The following AKAP1 variants were observed in gnomAD, a reference collection of about 807,000 sequenced individuals.
AKAP1 encodes A-kinase anchor protein 1, mitochondrial.
Under a neutral mutation model 79.8 loss-of-function variants are expected in AKAP1, and 32 were observed. The ratio of observed to expected loss-of-function variants is 0.40; its 90% CI spans 0.30 to 0.54. The LOEUF is 0.54. Among genes scored for constraint, AKAP1 ranks in the 20% least tolerant of loss-of-function variants. The pLI is 0.47. For missense variants in AKAP1, 961 were observed against 1,138.9 expected (o/e 0.84, Z 2.25); for synonymous variants, 416 against 466.7 (o/e 0.89, Z 1.40).
intron 3 of AKAP1, 52 bp downstream of exon 3, chr17:57,110,210 G>A: frequency 1.9e-6 from 3 of 1,602,390 alleles, no homozygotes; most frequent in Non-Finnish European, 2.6e-6. Flanking sequence ...AAGCTCCCTG[G>A]GGCCAGGGCC....
chr17:57,100,312 G>A (rs747959121), intron 1 of AKAP1, among the ~76,000 whole-genome samples: 1 of 152,158 alleles, frequency 6.6e-6, no homozygotes, highest in Non-Finnish European at 1.5e-5. Context: ...CTGGCCAGGC[G>A]CGGTGGCTCA....
At chr17:57,091,236 A>G (rs1335010837) in intron 1 of AKAP1, among the ~76,000 whole-genome samples, 2 of 152,212 alleles carry the variant, frequency 1.3e-5, no homozygotes, top group Non-Finnish European at 2.9e-5. Context: ...CCGTGCTGCA[A>G]ATAACCTCCC....
intron 10 of AKAP1, among the ~76,000 whole-genome samples, chr17:57,119,830 C>CTCTTTTTTTTTTTTTTTTTTT (rs1915809183): frequency 1.4e-5 from 1 of 70,290 alleles, no homozygotes; most frequent in Non-Finnish European, 2.5e-5. Flanking sequence ...CCCTGTTACT[C>CTCTTTTTTTTTTTTTTTTTTT]TTTTTTTTTT....
At chr17:57,110,642 TGAAA>T (rs1915183051) in intron 3 of AKAP1, among the ~76,000 whole-genome samples, 3 of 152,238 alleles carry the variant, frequency 2.0e-5, no homozygotes, top group Non-Finnish European at 4.4e-5. Flanking sequence ...AGAGTGACTG[TGAAA>T]GACTTTTATT....
intron 4 of AKAP1, 141 bp downstream of exon 4, chr17:57,112,065 C>CT: frequency 1.7e-6 from 2 of 1,155,892 alleles, no homozygotes. Context: ...GGTATCTTCC[C>CT]TGCAGCCTTT....
At chr17:57,112,108 T>TC (rs1248537489) in intron 4 of AKAP1, among the ~76,000 whole-genome samples, 184 bp downstream of exon 4, 3 of 152,014 alleles carry the variant, frequency 2.0e-5, no homozygotes, top group Non-Finnish European at 4.4e-5. Flanking sequence ...GAGACTCAGG[T>TC]CCCTCCCTAC....
In AKAP1 at chr17:57,120,570, T is replaced by TA. The variant is rs5821162; in HGVS notation, c.*263dup. 0.19 allele frequency: 43,063 copies of TA among 220,952 alleles called. 3,933 individuals are homozygous for TA. The highest frequency in any genetic ancestry group is 0.3 in the Admixed American group (5,085 of 16,968). The allele number at this position is 220,952 out of a possible 1,614,324, so 13.7% of individuals were successfully genotyped here. The stretch of plus-strand genomic sequence containing the variant: ...TGGCTTATGCTGGTTCTCAGCTGTT[T>TA]AAAAAAAAAAAAAAAAAGGAATAGA... On this transcript the variant is annotated 3_prime_UTR_variant, in exon 11 of 11. Transcript: ENST00000337714.
At chr17:57,116,401 T>C (rs1801121367) in intron 7 of AKAP1, 140 bp downstream of exon 7, 1 of 1,130,608 alleles carries the variant, frequency 8.8e-7, no homozygotes, top group Non-Finnish European at 1.3e-6. Context: ...TAGCAGAGTC[T>C]GATAGAAACA....
In AKAP1 at chr17:57,105,819, T is replaced by G; in HGVS notation, c.355T>G (p.Leu119Val). 2 of 1,614,184 alleles carry G rather than the reference T, an allele frequency of 1.2e-6. No individual in the cohort carries two copies. The highest frequency in any genetic ancestry group is 1.7e-6 in the Non-Finnish European group (2 of 1,180,034). Residue 119 changes from leucine (L) to valine (V), a missense_variant, in exon 2 of 11, where the codon TTG becomes GTG. Coordinates refer to ENST00000337714, the MANE Select transcript of AKAP1 (RefSeq NM_003488.4). ...TCTTCCTAACACCACAGACATGAGA[T>G]TGCGACCAGGAACACGCAGAGATGA... is the stretch of plus-strand genomic sequence containing the variant. ...GILPNTTDMR[L>V]RPGTRRDDST...
Position 57,111,862 on chromosome 17 carries a change from G to C in AKAP1, c.1913G>C (p.Gly638Ala). ...RYVSFLKQTS[G>A]AKIYISTLPY... ...GTGAGTTTTCTGAAGCAAACATCTG[G>C]TGCCAAGATCTACATTTCAACCCTG... Residue 638 changes from glycine (G) to alanine (A), a missense_variant, in exon 4 of 11, where the codon GGT becomes GCT. By Grantham distance (60) the Gly-to-Ala change is moderately conservative. This residue lies in a region of AKAP1 where 629 missense variants were observed against 781.1 expected (regional missense o/e 0.81). Coordinates refer to ENST00000337714, the MANE Select transcript of AKAP1 (RefSeq NM_003488.4). 4 of 1,613,742 alleles carry C rather than the reference G, an allele frequency of 2.5e-6. No homozygotes were observed. The highest frequency in any genetic ancestry group is 2.5e-6 in the Non-Finnish European group (3 of 1,179,944).
At position 57,120,716 on chromosome 17, in the gene AKAP1, T is replaced by G. The variant is rs73317583; in HGVS notation, c.*392T>G. 6.0e-6 allele frequency: 1 copy of G among 166,050 alleles called. No homozygotes were observed. The highest frequency in any genetic ancestry group is 1.3e-5 in the Non-Finnish European group (1 of 76,588). The allele number at this position is 166,050 out of a possible 1,614,324, so 10.3% of individuals were successfully genotyped here. On this transcript the variant is annotated 3_prime_UTR_variant, in exon 11 of 11. Transcript: ENST00000337714. ...AGGCCAGGGATGTATGTTGCTTGCT[T>G]GAGAGGGTTTCTTTTACTTCAAAAT... is the stretch of plus-strand genomic sequence containing the variant.
intron 8 of AKAP1, 95 bp from the exon 9 acceptor site, chr17:57,118,286 C>A: frequency 2.6e-6 from 3 of 1,150,240 alleles, no homozygotes; most frequent in South Asian, 1.3e-5. Flanking sequence ...GCATCTGAAG[C>A]ATTCTACTTG....
chr17:57,112,051 A>T (rs1049988411), intron 4 of AKAP1, 127 bp downstream of exon 4: 10 of 1,253,266 alleles, frequency 8.0e-6, no homozygotes, highest in Non-Finnish European at 1.1e-5. Flanking sequence ...GGAAGGGAGC[A>T]TTAGGTATCT....
chr17:57,107,094 A>G lies in AKAP1; in HGVS notation c.1630A>G (p.Ser544Gly). 6.2e-7 allele frequency: 1 copy of G among 1,614,206 alleles called. No homozygotes were observed. Among genetic ancestry groups the G allele is most frequent in the Non-Finnish European group, 8.5e-7 (1 of 1,180,032 alleles). Reference protein sequence around the residue: ...PPLPESTVPFSNGVLKGELSD... With the variant: ...PPLPESTVPFGNGVLKGELSD... ...ACTGCCAGAAAGTACTGTGCCCTTC[A>G]GCAATGGGGTGCTGAAGGGGGAGTT... Residue 544 changes from serine (S) to glycine (G), a missense_variant, in exon 2 of 11, where the codon AGC (serine) becomes GGC (glycine). Coordinates refer to ENST00000337714, the MANE Select transcript of AKAP1 (RefSeq NM_003488.4).
intron 1 of AKAP1, among the ~76,000 whole-genome samples, chr17:57,087,758 G>T (rs1293767965): frequency 6.6e-6 from 1 of 152,158 alleles, no homozygotes; most frequent in Non-Finnish European, 1.5e-5. Flanking sequence ...GAGGAAAAAC[G>T]AATTGGTTTC....
intron 6 of AKAP1, 47 bp downstream of exon 6, chr17:57,114,683 C>T (rs1388368553): frequency 9.0e-6 from 14 of 1,551,120 alleles, no homozygotes; most frequent in Admixed American, 1.9e-5. Context: ...CTGGGGTTGC[C>T]TGTTCTGCCC....
chr17:57,090,943 C>CTG (rs1362185553), intron 1 of AKAP1, among the ~76,000 whole-genome samples: 2 of 152,236 alleles, frequency 1.3e-5, no homozygotes, highest in African/African-American at 4.8e-5. Context: ...CCTCCAAAGG[C>CTG]TGTCACCCAG....
Position 57,105,641 on chromosome 17 carries a change from C to A in AKAP1, c.177C>A (p.Pro59=). Residue 59 remains proline, a synonymous_variant, in exon 2 of 11, where the codon CCC becomes CCA. Coordinates refer to ENST00000337714, the MANE Select transcript of AKAP1 (RefSeq NM_003488.4). ...ACCCTGCCATCAAGGAACCTCTCCCCGTGGAAGACGTCTGTCCCAAAGTAG... is the reference window on the plus strand; with the variant it reads ...ACCCTGCCATCAAGGAACCTCTCCCAGTGGAAGACGTCTGTCCCAAAGTAG... ...RADPAIKEPL[P]VEDVCPKVVS... 1 of 1,614,108 alleles carries A rather than the reference C, an allele frequency of 6.2e-7. No individual in the cohort carries two copies. The highest frequency in any genetic ancestry group is 8.5e-7 in the Non-Finnish European group (1 of 1,180,008).
In AKAP1 at chr17:57,116,293, C is replaced by A. The variant is rs1366145522; in HGVS notation, c.2432+32C>A. On this transcript the variant is annotated intron_variant, in intron 7 of 10. Coordinates refer to ENST00000337714, the MANE Select transcript of AKAP1 (RefSeq NM_003488.4). ...GGAGATGCCTCAGGCAGGCCTACGCCCTGCTTGTTCTGGGATGCGTGATCT... is the reference window on the plus strand; with the variant it reads ...GGAGATGCCTCAGGCAGGCCTACGCACTGCTTGTTCTGGGATGCGTGATCT... The A allele has an allele frequency of 1.9e-6, 3 of 1,612,724 alleles. No individual in the cohort carries two copies. In the African/African-American group the frequency reaches 4.0e-5, roughly 22 times the overall value.
Sources: allele counts gnomAD v4.1 joint callset (sites outside exome capture counted in the v4.1 genomes callset), GRCh38; gene constraint gnomAD v4.1.1; regional missense constraint gnomAD v4.1.1; transcripts MANE v1.5; gene names NCBI Gene and HGNC (gene_info 2026-07-23, HGNC 2026-07-21).